The following MAP3K5 variants were observed in gnomAD, a reference collection of about 807,000 sequenced individuals.
MAP3K5 encodes mitogen-activated protein kinase kinase kinase 5, also known as ASK-1.
MAP3K5 carries 56 observed loss-of-function variants against 158.7 expected under a neutral mutation model. That is an observed-to-expected ratio of 0.35 (90% CI 0.28 to 0.44). The LOEUF (loss-of-function observed/expected upper bound fraction) is 0.44, where lower values mean the gene tolerates loss of function less well. Among genes scored for constraint, MAP3K5 ranks in the 20% least tolerant of loss-of-function variants. The probability of loss-of-function intolerance (pLI) is 1.00; values close to 1 mark genes in which losing one functional copy is unlikely to be tolerated. For missense variants in MAP3K5, 1,294 were observed against 1,674.8 expected (o/e 0.77, Z 3.97); for synonymous variants, 579 against 601.7 (o/e 0.96, Z 0.55).
intron 7 of MAP3K5, among the ~76,000 whole-genome samples, chr6:136,691,972 A>G (rs1780407120): frequency 6.6e-6 from 1 of 151,998 alleles, no homozygotes; most frequent in East Asian, 1.9e-4. Flanking sequence ...TGTTTTATCT[A>G]TGGGTTTATT....
intron 12 of MAP3K5, among the ~76,000 whole-genome samples, chr6:136,642,015 T>TAAAATAAAATAAATA: frequency 9.0e-6 from 1 of 110,556 alleles, no homozygotes; most frequent in South Asian, 3.0e-4. Flanking sequence ...TAAAATAAAA[T>TAAAATAAAATAAATA]AAATAAAATA....
At chr6:136,707,154 C>CA (rs886660358) in intron 2 of MAP3K5, among the ~76,000 whole-genome samples, 36 of 146,820 alleles carry the variant, frequency 2.5e-4, no homozygotes, top group East Asian at 2.0e-3. Context: ...GATCCTGACT[C>CA]AAAAAAAAAA....
At chr6:136,618,440 A>C (rs1446889084) in intron 15 of MAP3K5, among the ~76,000 whole-genome samples, 1 of 152,240 alleles carries the variant, frequency 6.6e-6, no homozygotes, top group East Asian at 1.9e-4. Flanking sequence ...GAGCTGAAAC[A>C]TCTTGTTGGT....
intron 11 of MAP3K5, among the ~76,000 whole-genome samples, chr6:136,645,515 A>G (rs1249421262): frequency 2.0e-5 from 3 of 152,086 alleles, no homozygotes; most frequent in South Asian, 2.1e-4. Context: ...AACCCCCAAA[A>G]GGGGGGGAAA....
At chr6:136,667,593 ATAAAT>A (rs925631683) in intron 8 of MAP3K5, among the ~76,000 whole-genome samples, 4 of 152,136 alleles carry the variant, frequency 2.6e-5, no homozygotes, top group African/African-American at 4.8e-5. Context: ...TTAAAAATAA[ATAAAT>A]AAATAAAATA....
intron 7 of MAP3K5, among the ~76,000 whole-genome samples, chr6:136,677,944 CA>C (rs1562604373): frequency 6.6e-6 from 1 of 152,132 alleles, no homozygotes; most frequent in African/African-American, 2.4e-5. Flanking sequence ...CTAATTCTGA[CA>C]ACTCTTTAAA....
chr6:136,786,536 C>T (rs1274422364), intron 1 of MAP3K5, among the ~76,000 whole-genome samples: 1 of 152,174 alleles, frequency 6.6e-6, no homozygotes, highest in East Asian at 1.9e-4. Context: ...CTTGGCTTTG[C>T]TGTCTCTGAG....
chr6:136,642,025 AAAATAAAAATAAAAT>A (rs1777980349), intron 12 of MAP3K5, among the ~76,000 whole-genome samples: 1 of 114,660 alleles, frequency 8.7e-6, no homozygotes, highest in Admixed American at 8.8e-5. Context: ...TAAATAAAAT[AAAATAAAAATAAAAT>A]AAAATAAAAT....
At chr6:136,659,981 T>C (rs1015089831) in intron 8 of MAP3K5, among the ~76,000 whole-genome samples, 2 of 152,220 alleles carry the variant, frequency 1.3e-5, no homozygotes, top group Non-Finnish European at 2.9e-5. Flanking sequence ...AACCCAAGGA[T>C]AACTGCTATG....
chr6:136,568,226 T>C (rs1774206704), intron 25 of MAP3K5, among the ~76,000 whole-genome samples: 1 of 152,210 alleles, frequency 6.6e-6, no homozygotes. Context: ...TTTAAAAGTG[T>C]TTATACAAGT....
In MAP3K5 at chr6:136,605,224, T is replaced by C. The variant is rs1353039870; in HGVS notation, c.2664A>G (p.Gln888=). Reference sequence around the variant, plus strand: ...GAAGTGTGACCTTGAACATAGCTGCTTGTGGTTCTCCCAGTTCATAAAATG... The same window carrying C: ...GAAGTGTGACCTTGAACATAGCTGCCTGTGGTTCTCCCAGTTCATAAAATG... ...KPPFYELGEP[Q]AAMFKVGMFK... The change falls in exon 19 of 30, where the codon CAA becomes CAG. Residue 888 remains glutamine (Q), a synonymous_variant. Coordinates refer to ENST00000359015, the MANE Select transcript of MAP3K5 (RefSeq NM_005923.4). 1 of 1,613,880 alleles carries C rather than the reference T, an allele frequency of 6.2e-7. No homozygotes were observed. Among genetic ancestry groups the C allele is most frequent in the Non-Finnish European group, 8.5e-7 (1 of 1,179,978 alleles).
intron 21 of MAP3K5, among the ~76,000 whole-genome samples, chr6:136,600,139 T>C (rs947013718): frequency 2.6e-5 from 4 of 152,046 alleles, no homozygotes; most frequent in Non-Finnish European, 2.9e-5. Flanking sequence ...CCTGAACTGT[T>C]TGATCAACCA....
At chr6:136,564,934 A>T (rs1215841866) in intron 26 of MAP3K5, among the ~76,000 whole-genome samples, 1 of 152,184 alleles carries the variant, frequency 6.6e-6, no homozygotes, top group Non-Finnish European at 1.5e-5. Context: ...CTTTCTGCAC[A>T]CTTCTGATTT....
chr6:136,574,749 C>T (rs1774527182), intron 25 of MAP3K5, among the ~76,000 whole-genome samples: 1 of 133,382 alleles, frequency 7.5e-6, no homozygotes, highest in African/African-American at 2.9e-5. Context: ...AGTGCAGTGG[C>T]ACGATCTCGG....
At chr6:136,756,473 GTC>G (rs1279174769) in intron 1 of MAP3K5, among the ~76,000 whole-genome samples, 1 of 152,168 alleles carries the variant, frequency 6.6e-6, no homozygotes, top group African/African-American at 2.4e-5. Context: ...TGTTGAGACA[GTC>G]TCTCTCACTG....
intron 21 of MAP3K5, among the ~76,000 whole-genome samples, chr6:136,593,473 G>C (rs1775484600): frequency 6.6e-6 from 1 of 152,112 alleles, no homozygotes. Flanking sequence ...CATTGCCCAA[G>C]CCTCAGTCCA....
intron 20 of MAP3K5, 35 bp from the exon 21 acceptor site, chr6:136,601,077 A>G (rs1179464875): frequency 1.2e-6 from 2 of 1,611,852 alleles, no homozygotes; most frequent in Non-Finnish European, 1.7e-6. Context: ...ATGAATAAGC[A>G]CGTGCTGGGT....
At chr6:136,593,814 A>C in intron 21 of MAP3K5, 1 of 374,384 alleles carries the variant, frequency 2.7e-6, no homozygotes, top group Non-Finnish European at 5.2e-6. Flanking sequence ...ATGAAGGTAT[A>C]AAATTATAGA....
chr6:136,562,441 T>C, intron 27 of MAP3K5, 62 bp downstream of exon 27: 1 of 783,838 alleles, frequency 1.3e-6, no homozygotes, highest in East Asian at 2.9e-5. Flanking sequence ...TCCTGTTGGC[T>C]TTCTTGGCTT....
Sources: allele counts gnomAD v4.1 joint callset (sites outside exome capture counted in the v4.1 genomes callset), GRCh38; gene constraint gnomAD v4.1.1; transcripts MANE v1.5; gene names NCBI Gene and HGNC (gene_info 2026-07-23, HGNC 2026-07-21).